KLHL4: variants seen among roughly 807,000 people sequenced by gnomAD.
The protein encoded by KLHL4 is kelch-like protein 4.
In KLHL4, 17 loss-of-function variants were observed where a neutral mutation model predicts 45.8. The ratio of observed to expected loss-of-function variants is 0.37; its 90% CI spans 0.25 to 0.56. The LOEUF is 0.56. KLHL4 is among the 20% of genes least tolerant of loss of function. The pLI is 0.79. For synonymous variants in KLHL4, 224 were observed against 189.9 expected, an observed-to-expected ratio of 1.18 and a Z score of -1.47; for missense variants, 544 against 544.9, an observed-to-expected ratio of 1.00 and a Z score of 0.02.
intron 1 of KLHL4, among the ~76,000 whole-genome samples, chrX:87,555,554 C>T (rs1456276082): frequency 1.3e-4 from 14 of 107,798 alleles, no homozygotes; most frequent in South Asian, 8.5e-4. Context: ...TCTGTGGGAT[C>T]GGTGGTGATA....
Position 87,518,091 on chromosome X carries a change from C to T in KLHL4, c.198C>T (p.Asn66=). The T allele has an allele frequency of 1.7e-6, 2 of 1,211,674 alleles. No homozygotes were observed. Among genetic ancestry groups the T allele is most frequent in the East Asian group, 3.0e-5 (1 of 33,824 alleles). The change falls in exon 1 of 11, where the codon AAC becomes AAT. Residue 66 remains asparagine (N), a synonymous_variant. Transcript: ENST00000373119. ...ACAGAAACGGACTGAAGAAAAGCAA[C>T]AGTCCTGTCCACCACAATATACTGG... The part of the protein sequence containing the change: ...SRDRNGLKKS[N]SPVHHNILAP...
Position 87,615,927 on chromosome X carries a change from A to G in KLHL4, c.727+1357A>G, listed in dbSNP as rs185891013. 9.9e-5 allele frequency among the ~76,000 whole-genome samples: 11 copies of G among 111,244 alleles called. 1 individual carries two copies. The highest frequency in any genetic ancestry group is 7.7e-4 in the Admixed American group (8 of 10,393). On this transcript the variant is annotated intron_variant, in intron 3 of 10. Coordinates refer to ENST00000373119, the MANE Select transcript of KLHL4 (RefSeq NM_019117.5). ...GGTTGCAAGCTTTTTTGAATATACTAAAAAACACCAGATTGTACATTTTGA... is the reference window on the plus strand; with the variant it reads ...GGTTGCAAGCTTTTTTGAATATACTGAAAAACACCAGATTGTACATTTTGA...
intron 9 of KLHL4, among the ~76,000 whole-genome samples, chrX:87,642,387 A>T (rs1158484310): frequency 9.0e-6 from 1 of 111,706 alleles, no homozygotes; most frequent in Middle Eastern, 4.2e-3. Context: ...AAGAAATCTG[A>T]AAAAACAGTC....
At chrX:87,665,385 A>G (rs1240813429) in intron 10 of KLHL4, among the ~76,000 whole-genome samples, 3 of 111,590 alleles carry the variant, frequency 2.7e-5, no homozygotes, top group Non-Finnish European at 5.6e-5. Flanking sequence ...CAAGCCTTCA[A>G]TCTTTACCAT....
chrX:87,627,877 G>A lies in KLHL4; in HGVS notation c.1324+2081G>A, dbSNP rs773841082. 1.7e-3 allele frequency among the ~76,000 whole-genome samples: 183 copies of A among 110,606 alleles called. 2 individuals are homozygous for A. The highest frequency in any genetic ancestry group is 3.6e-3 in the Admixed American group (37 of 10,362). Reference sequence around the variant, plus strand: ...TTTTTATTTTTGGCATTTTTTTCGGGCTAATCTTGGTTAAATTATTGTTAC... The same window carrying A: ...TTTTTATTTTTGGCATTTTTTTCGGACTAATCTTGGTTAAATTATTGTTAC... On this transcript the variant is annotated intron_variant, in intron 6 of 10. Coordinates refer to ENST00000373119, the MANE Select transcript of KLHL4 (RefSeq NM_019117.5).
chrX:87,667,065 G>C lies in KLHL4; in HGVS notation c.*531G>C. 1 of 720,523 alleles carries C rather than the reference G, an allele frequency of 1.4e-6. No individual in the cohort carries two copies. The highest frequency in any genetic ancestry group is 1.6e-6 in the Non-Finnish European group (1 of 620,468). The allele number at this position is 720,523 out of a possible 1,213,427, so 59.4% of individuals were successfully genotyped here. Reference sequence around the variant, plus strand: ...AAACAATTCCTTACATTTACCAAGAGGAAAGCTTTTACTGTGTTGAAGCTA... The same window carrying C: ...AAACAATTCCTTACATTTACCAAGACGAAAGCTTTTACTGTGTTGAAGCTA... On this transcript the variant is annotated 3_prime_UTR_variant, in exon 11 of 11. Coordinates refer to ENST00000373119, the MANE Select transcript of KLHL4 (RefSeq NM_019117.5).
At chrX:87,519,306 GA>G (rs2147758322) in intron 1 of KLHL4, among the ~76,000 whole-genome samples, 1 of 111,791 alleles carries the variant, frequency 8.9e-6, no homozygotes, top group East Asian at 2.8e-4. Flanking sequence ...TGGAAACCTG[GA>G]TATCTGGCAT....
At chrX:87,604,851 G>A (rs1016840396) in intron 1 of KLHL4, among the ~76,000 whole-genome samples, 5 of 111,305 alleles carry the variant, frequency 4.5e-5, no homozygotes, top group African/African-American at 6.5e-5. Context: ...CCCTCCCAAT[G>A]TCACAGAGCA....
intron 1 of KLHL4, among the ~76,000 whole-genome samples, chrX:87,525,467 G>A (rs769278308): frequency 3.6e-5 from 4 of 111,258 alleles, no homozygotes; most frequent in Admixed American, 2.9e-4. Context: ...CTTACTTACA[G>A]TGTTTCTATT....
chrX:87,614,662 C>T (rs778966254), intron 3 of KLHL4, 92 bp downstream of exon 3: 287 of 786,495 alleles, frequency 3.6e-4, no homozygotes, highest in Non-Finnish European at 4.5e-4. Context: ...GCTACTAATA[C>T]TACTACTATT....
chrX:87,552,616 G>C (rs1931855956), intron 1 of KLHL4, among the ~76,000 whole-genome samples: 1 of 110,696 alleles, frequency 9.0e-6, no homozygotes, highest in Admixed American at 9.7e-5. Context: ...GTTTATAGCA[G>C]CACTGTTTGC....
At chrX:87,597,828 A>T (rs185517920) in intron 1 of KLHL4, among the ~76,000 whole-genome samples, 1 of 111,255 alleles carries the variant, frequency 9.0e-6, no homozygotes, top group African/African-American at 3.3e-5. Context: ...AATATTTGCT[A>T]AATTGAATAA....
chrX:87,667,396 G>C lies in KLHL4; in HGVS notation c.*862G>C, dbSNP rs1370141182. ...TAACTCTATAAACAAATATCGTTAA[G>C]TTAAACAAGTTTTCAAAAACAAAAC... On this transcript the variant is annotated 3_prime_UTR_variant, in exon 11 of 11. Coordinates refer to ENST00000373119, the MANE Select transcript of KLHL4 (RefSeq NM_019117.5). The C allele has an allele frequency of 1.4e-6, 1 of 698,086 alleles. No individual in the cohort carries two copies. The highest frequency in any genetic ancestry group is 2.4e-5 in the African/African-American group (1 of 41,983). The allele number at this position is 698,086 out of a possible 1,213,427, so 57.5% of individuals were successfully genotyped here.
At chrX:87,596,004 C>CT (rs1259702122) in intron 1 of KLHL4, among the ~76,000 whole-genome samples, 1 of 110,626 alleles carries the variant, frequency 9.0e-6, no homozygotes, top group Non-Finnish European at 1.9e-5. Flanking sequence ...TTCTGGATAC[C>CT]TTTTTCATGA....
At chrX:87,519,397 C>T (rs1188338336) in intron 1 of KLHL4, among the ~76,000 whole-genome samples, 4 of 111,892 alleles carry the variant, frequency 3.6e-5, no homozygotes, top group African/African-American at 1.3e-4. Flanking sequence ...AAAACAACCT[C>T]ACAGTGTCTT....
intron 1 of KLHL4, among the ~76,000 whole-genome samples, chrX:87,552,265 C>T (rs1018748776): frequency 4.5e-5 from 5 of 111,084 alleles, no homozygotes; most frequent in Admixed American, 9.6e-5. Context: ...AGAAGATACA[C>T]AAATGGCCAA....
chrX:87,582,743 C>G (rs1294506045), intron 1 of KLHL4, among the ~76,000 whole-genome samples: 1 of 111,770 alleles, frequency 8.9e-6, no homozygotes, highest in Non-Finnish European at 1.9e-5. Context: ...GTCTCACTGA[C>G]TTCAAGAATG....
At chrX:87,533,355 C>T (rs1449637237) in intron 1 of KLHL4, among the ~76,000 whole-genome samples, 1 of 96,168 alleles carries the variant, frequency 1.0e-5, no homozygotes, top group African/African-American at 3.8e-5. Context: ...ACATATACAC[C>T]ATGGAATACT....
At chrX:87,625,074 T>G (rs1922880984) in intron 5 of KLHL4, among the ~76,000 whole-genome samples, 1 of 112,777 alleles carries the variant, frequency 8.9e-6, no homozygotes, top group African/African-American at 3.2e-5. Flanking sequence ...CCATTCTCTT[T>G]AACTGCTTTC....
Sources: gnomAD v4.1 joint callset for allele counts (sites outside exome capture counted in the v4.1 genomes callset) on GRCh38, gnomAD v4.1.1 for gene constraint, MANE v1.5 for transcripts, NCBI Gene and HGNC (gene_info 2026-07-23, HGNC 2026-07-21) for gene names.